The following SLC14A2 variants were observed in gnomAD, a reference collection of about 807,000 sequenced individuals.
SLC14A2 encodes the protein solute carrier family 14 member 2.
In SLC14A2, 91 loss-of-function variants were observed where a neutral mutation model predicts 104.6. The ratio of observed to expected loss-of-function variants is 0.87; its 90% CI spans 0.73 to 1.04. SLC14A2 has a LOEUF of 1.04. SLC14A2 is among the 50% of genes least tolerant of loss of function. SLC14A2 has a pLI of 0.00. For missense variants in SLC14A2, 1,189 were observed against 1,156.0 expected (o/e 1.03, Z -0.41); for synonymous variants, 476 against 466.4 (o/e 1.02, Z -0.27).
At chr18:45,623,647 T>G (rs2045213013) in intron 1 of SLC14A2, among the ~76,000 whole-genome samples, 1 of 152,180 alleles carries the variant, frequency 6.6e-6, no homozygotes, top group South Asian at 2.1e-4. Context: ...TATCCCCTTT[T>G]GAAGGGAATC....
intron 1 of SLC14A2, among the ~76,000 whole-genome samples, chr18:45,461,731 G>A (rs1461171625): frequency 1.3e-5 from 2 of 152,188 alleles, no homozygotes; most frequent in African/African-American, 2.4e-5. Flanking sequence ...TCTCTCACAA[G>A]TGCCTAAAAT....
chr18:45,202,526 T>TA, the SLC14A2 span, among the ~76,000 whole-genome samples: 1 of 152,130 alleles, frequency 6.6e-6, no homozygotes, highest in Non-Finnish European at 1.5e-5. Flanking sequence ...AGTAAAATAT[T>TA]ATTTTTGTTT....
chr18:45,597,345 A>T (rs1481298184), intron 2 of SLC14A2, among the ~76,000 whole-genome samples: 1 of 152,122 alleles, frequency 6.6e-6, no homozygotes, highest in East Asian at 1.9e-4. Flanking sequence ...AAAGAAAGAA[A>T]GAAAGAAAGA....
chr18:45,584,216 G>T, intron 2 of SLC14A2, among the ~76,000 whole-genome samples: 1 of 152,094 alleles, frequency 6.6e-6, no homozygotes, highest in Non-Finnish European at 1.5e-5. Context: ...TTGGATACAG[G>T]GTGATTTTTC....
At chr18:45,593,092 C>A (rs981122451) in intron 2 of SLC14A2, among the ~76,000 whole-genome samples, 18 of 152,050 alleles carry the variant, frequency 1.2e-4, no homozygotes, top group African/African-American at 4.1e-4. Flanking sequence ...CCGAGGCAGG[C>A]GGATCATGAG....
intron 2 of SLC14A2, among the ~76,000 whole-genome samples, chr18:45,538,405 G>T (rs971898057): frequency 6.6e-6 from 1 of 152,164 alleles, no homozygotes; most frequent in Non-Finnish European, 1.5e-5. Context: ...CTTTCGTGAG[G>T]TTTCAGTTAA....
chr18:45,230,709 ATCT>A (rs2084166561), intron 1 of SLC14A2, among the ~76,000 whole-genome samples: 1 of 152,206 alleles, frequency 6.6e-6, no homozygotes, highest in Admixed American at 6.5e-5. Context: ...TTGAAGGCAG[ATCT>A]TCTTTTTCCC....
At chr18:45,565,474 C>T (rs2044254195) in intron 2 of SLC14A2, among the ~76,000 whole-genome samples, 1 of 152,196 alleles carries the variant, frequency 6.6e-6, no homozygotes. Context: ...GTTGTGTGCA[C>T]TTGTGCACGT....
chr18:45,278,371 T>A (rs968864966), intron 1 of SLC14A2, among the ~76,000 whole-genome samples: 7 of 152,226 alleles, frequency 4.6e-5, no homozygotes, highest in African/African-American at 1.7e-4. Context: ...TGCTTGGCTC[T>A]GGCTACCAGA....
intron 1 of SLC14A2, among the ~76,000 whole-genome samples, chr18:45,248,559 A>G (rs1391766418): frequency 6.6e-6 from 1 of 152,056 alleles, no homozygotes; most frequent in Non-Finnish European, 1.5e-5. Context: ...CAAAGTCTCA[A>G]TTTCCCGACA....
At chr18:45,299,757 C>T (rs754552583) in intron 1 of SLC14A2, among the ~76,000 whole-genome samples, 2 of 152,160 alleles carry the variant, frequency 1.3e-5, no homozygotes, top group African/African-American at 2.4e-5. Context: ...CCACCGTGCC[C>T]GGCACATCCG....
chr18:45,355,044 G>T (rs1478260806), intron 1 of SLC14A2, among the ~76,000 whole-genome samples: 1 of 152,222 alleles, frequency 6.6e-6, no homozygotes, highest in Admixed American at 6.5e-5. Flanking sequence ...CCTTTGAGAT[G>T]AGGAAACAGG....
intron 2 of SLC14A2, among the ~76,000 whole-genome samples, chr18:45,591,370 C>T (rs964668526): frequency 6.6e-6 from 1 of 152,182 alleles, no homozygotes; most frequent in South Asian, 2.1e-4. Context: ...GAGTCTCGCT[C>T]TGTTGCCCAG....
rs1340421712 is a variant in SLC14A2, at chr18:45,673,944, C to T, written c.2512+127C>T. The T allele has an allele frequency of 1.2e-5, 12 of 960,660 alleles. No individual in the cohort carries two copies. The South Asian group carries it at 1.4e-4, about 11-fold the overall frequency. 59.5% of individuals were successfully genotyped at this position (960,660 alleles called of 1,614,324 possible). A position where few individuals can be genotyped will look rare whatever the true frequency, so the allele number is the denominator to read the frequency against. ...AACACTATTTTCACTGAATACTCAA[C>T]GTTCAGTCACATGAAGACGGTGGTG... is the stretch of plus-strand genomic sequence containing the variant. On this transcript the variant is annotated intron_variant, in intron 18 of 19. Coordinates refer to ENST00000255226, the MANE Select transcript of SLC14A2 (RefSeq NM_007163.4).
the SLC14A2 span, among the ~76,000 whole-genome samples, chr18:45,207,983 A>T: frequency 3.3e-5 from 5 of 152,122 alleles, no homozygotes; most frequent in Admixed American, 6.5e-5. Flanking sequence ...AGTTAAGGGG[A>T]TTTTCTCAAA....
chr18:45,483,800 G>C (rs1254205072), intron 2 of SLC14A2, among the ~76,000 whole-genome samples: 4 of 152,178 alleles, frequency 2.6e-5, no homozygotes. Context: ...AAGGTCACTT[G>C]CTGATAAAAA....
chr18:45,199,804 A>G, the SLC14A2 span, among the ~76,000 whole-genome samples: 1 of 152,130 alleles, frequency 6.6e-6, no homozygotes, highest in African/African-American at 2.4e-5. Flanking sequence ...TCCATTCTCA[A>G]TGCTCATACC....
chr18:45,549,642 G>A (rs750452252), intron 2 of SLC14A2, among the ~76,000 whole-genome samples: 3 of 152,216 alleles, frequency 2.0e-5, no homozygotes, highest in Non-Finnish European at 2.9e-5. Flanking sequence ...CGGATGCTAC[G>A]GCAAGTTGCC....
chr18:45,509,530 A>G (rs1248515108), intron 2 of SLC14A2, among the ~76,000 whole-genome samples: 2 of 152,210 alleles, frequency 1.3e-5, no homozygotes, highest in African/African-American at 4.8e-5. Context: ...AAAGAAAAAA[A>G]AGACATTTAC....
Sources: allele counts gnomAD v4.1 joint callset (sites outside exome capture counted in the v4.1 genomes callset), GRCh38; gene constraint gnomAD v4.1.1; transcripts MANE v1.5; gene names NCBI Gene and HGNC (gene_info 2026-07-23, HGNC 2026-07-21).